The following SH3RF3 variants were observed in gnomAD, a reference collection of about 807,000 sequenced individuals.
SH3RF3 encodes the protein SH3 domain containing ring finger 3.
A neutral mutation model predicts 66.3 loss-of-function variants in SH3RF3; 29 were observed. That is an observed-to-expected ratio of 0.44 (90% confidence interval 0.33 to 0.60). The LOEUF is 0.60. SH3RF3 is among the 20% of genes least tolerant of loss of function. SH3RF3 has a pLI of 0.04. For synonymous variants in SH3RF3, 583 were observed against 532.0 expected (o/e 1.10, Z -1.32); for missense variants, 1,194 against 1,190.9 (o/e 1.00, Z -0.04).
At chr2:109,367,119 A>ATTTTTTTTTTTTTTTTTTT (rs150005222) in intron 2 of SH3RF3, among the ~76,000 whole-genome samples, 1 of 113,292 alleles carries the variant, frequency 8.8e-6, no homozygotes, top group African/African-American at 3.5e-5. Context: ...TGCCCTGGTA[A>ATTTTTTTTTTTTTTTTTTT]TTTTTTTTTT....
Position 109,367,156 on chromosome 2 carries a change from G to A in SH3RF3, c.850-4430G>A, listed in dbSNP as rs1292497833. On this transcript the variant is annotated intron_variant, in intron 2 of 9. Coordinates refer to ENST00000309415, the MANE Select transcript of SH3RF3 (RefSeq NM_001099289.3). ...TTTTTTTTTTTTTAGTAGAGACAGG[G>A]TTTTGCCATGTTGGCCAGACTGGTC... Among the ~76,000 whole-genome samples the A allele has an allele frequency of 2.1e-5, 3 of 141,322 alleles. 1 individual carries two copies. In the South Asian group the frequency reaches 6.8e-4, roughly 32 times the overall value. The allele number at this position is 141,322 out of a possible 152,430, so 92.7% of individuals were successfully genotyped here.
intron 8 of SH3RF3, among the ~76,000 whole-genome samples, chr2:109,475,107 G>A (rs925113095): frequency 4.6e-5 from 7 of 152,172 alleles, no homozygotes; most frequent in Non-Finnish European, 1.0e-4. Context: ...CCTCTTGAGT[G>A]GCTGGGACTA....
chr2:109,430,756 G>A (rs1200723604), intron 5 of SH3RF3, among the ~76,000 whole-genome samples: 1 of 152,164 alleles, frequency 6.6e-6, no homozygotes, highest in Non-Finnish European at 1.5e-5. Context: ...TGAACGTGGT[G>A]GGGTGGCGGG....
chr2:109,306,560 A>T (rs1451541383), intron 1 of SH3RF3, among the ~76,000 whole-genome samples: 2 of 152,198 alleles, frequency 1.3e-5, no homozygotes, highest in Non-Finnish European at 2.9e-5. Context: ...CTGACCGTAC[A>T]GTGGCTGGTG....
intron 1 of SH3RF3, among the ~76,000 whole-genome samples, chr2:109,130,629 T>C (rs893517540): frequency 4.6e-5 from 7 of 152,064 alleles, no homozygotes; most frequent in Non-Finnish European, 1.0e-4. Context: ...ATGCTTCTAG[T>C]AGTCTGGAAG....
intron 4 of SH3RF3, among the ~76,000 whole-genome samples, chr2:109,418,077 C>G (rs1057116403): frequency 3.9e-5 from 6 of 152,104 alleles, no homozygotes; most frequent in African/African-American, 1.4e-4. Flanking sequence ...GACACAGGCA[C>G]CTTCCCCATT....
intron 3 of SH3RF3, among the ~76,000 whole-genome samples, chr2:109,382,155 T>G (rs961906766): frequency 1.3e-5 from 2 of 152,212 alleles, no homozygotes; most frequent in African/African-American, 2.4e-5. Context: ...TGATAGCACC[T>G]ATTGTTAGGG....
intron 5 of SH3RF3, among the ~76,000 whole-genome samples, chr2:109,420,476 T>C (rs1163584591): frequency 2.0e-5 from 3 of 152,128 alleles, no homozygotes; most frequent in Admixed American, 1.3e-4. Flanking sequence ...GATGGAGTCT[T>C]GCTCTGTCTC....
chr2:109,238,000 G>A (rs906378843), intron 1 of SH3RF3, among the ~76,000 whole-genome samples: 2 of 152,190 alleles, frequency 1.3e-5, no homozygotes, highest in African/African-American at 4.8e-5. Context: ...GAGGTCAGGA[G>A]TTCAAAATCA....
intron 1 of SH3RF3, among the ~76,000 whole-genome samples, chr2:109,204,703 C>A (rs1678767085): frequency 6.6e-6 from 1 of 152,214 alleles, no homozygotes; most frequent in African/African-American, 2.4e-5. Context: ...CTAGCAGTCT[C>A]TTACTTTGCT....
intron 3 of SH3RF3, among the ~76,000 whole-genome samples, chr2:109,377,895 G>A (rs1559051149): frequency 6.6e-6 from 1 of 152,200 alleles, no homozygotes; most frequent in Non-Finnish European, 1.5e-5. Flanking sequence ...GAGACGTTTG[G>A]TGGTGACTTA....
chr2:109,412,763 T>G (rs1455773605), intron 4 of SH3RF3, among the ~76,000 whole-genome samples: 1 of 152,052 alleles, frequency 6.6e-6, no homozygotes, highest in African/African-American at 2.4e-5. Context: ...AAGTGTAGAT[T>G]AAAAAATAAT....
At chr2:109,489,248 G>A (rs1679064050) in intron 8 of SH3RF3, among the ~76,000 whole-genome samples, 1 of 152,266 alleles carries the variant, frequency 6.6e-6, no homozygotes, top group Admixed American at 6.5e-5. Context: ...CACCAAGGGT[G>A]ATGGGGATGG....
intron 1 of SH3RF3, among the ~76,000 whole-genome samples, chr2:109,283,310 G>GAGAT: frequency 6.6e-6 from 1 of 152,202 alleles, no homozygotes; most frequent in Non-Finnish European, 1.5e-5. Context: ...TTGTGGGCCT[G>GAGAT]CTGGACACCT....
At chr2:109,341,251 A>C (rs1224092843) in intron 1 of SH3RF3, among the ~76,000 whole-genome samples, 2 of 152,246 alleles carry the variant, frequency 1.3e-5, no homozygotes, top group African/African-American at 4.8e-5. Context: ...TAAAACAAAA[A>C]CCTGGGAACC....
At chr2:109,260,758 C>T (rs750736265) in intron 1 of SH3RF3, among the ~76,000 whole-genome samples, 15 of 152,132 alleles carry the variant, frequency 9.9e-5, no homozygotes, top group South Asian at 4.1e-4. Flanking sequence ...ACAGAAGGCA[C>T]GGAAACTTCA....
chr2:109,325,729 T>C (rs1375598894), intron 1 of SH3RF3, among the ~76,000 whole-genome samples: 1 of 152,204 alleles, frequency 6.6e-6, no homozygotes, highest in Admixed American at 6.5e-5. Context: ...TACATGTTCC[T>C]TGGAATGTCC....
intron 1 of SH3RF3, among the ~76,000 whole-genome samples, chr2:109,207,546 C>G (rs1024103748): frequency 3.9e-5 from 6 of 152,120 alleles, no homozygotes; most frequent in Admixed American, 1.3e-4. Flanking sequence ...CAGTGTTTCT[C>G]TTAGGAACAA....
chr2:109,183,279 G>T (rs1054331188), intron 1 of SH3RF3, among the ~76,000 whole-genome samples: 1 of 150,342 alleles, frequency 6.7e-6, no homozygotes, highest in Non-Finnish European at 1.5e-5. Flanking sequence ...TTTCAGGCTT[G>T]TGTATTTTCT....
Sources: gnomAD v4.1 joint callset for allele counts (sites outside exome capture counted in the v4.1 genomes callset) on GRCh38, gnomAD v4.1.1 for gene constraint, MANE v1.5 for transcripts, NCBI Gene and HGNC (gene_info 2026-07-23, HGNC 2026-07-21) for gene names.